Variants in LRRC63 observed in about 807,000 individuals in gnomAD.
LRRC63 encodes the protein leucine-rich repeat-containing protein 63.
LRRC63 carries 40 observed loss-of-function variants against 49.5 expected under a neutral mutation model. The observed-to-expected ratio is 0.81, with a 90% confidence interval of 0.63 to 1.05. The LOEUF (loss-of-function observed/expected upper bound fraction) is 1.05, where lower values mean the gene tolerates loss of function less well. LRRC63 is among the 50% of genes least tolerant of loss of function. LRRC63 has a pLI of 0.00. For synonymous variants in LRRC63, 191 were observed against 221.1 expected (o/e 0.86, Z 1.21); for missense variants, 636 against 663.1 (o/e 0.96, Z 0.45).
At chr13:46,273,519 T>C (rs893538316) in intron 9 of LRRC63, among the ~76,000 whole-genome samples, 3 of 151,128 alleles carry the variant, frequency 2.0e-5, no homozygotes, top group Admixed American at 6.6e-5. Context: ...GGAGAATCAC[T>C]TGAACCCAGG....
chr13:46,246,596 T>C, exon 6 of LRRC63: 1 of 1,466,468 alleles, frequency 6.8e-7, no homozygotes, highest in Admixed American at 2.8e-5. Context: ...TAATTTATCA[T>C]TTAATGATCT....
chr13:46,269,799 TTA>T lies in LRRC63; in HGVS notation c.1550+2838_1550+2839del, dbSNP rs933996335. The stretch of plus-strand genomic sequence containing the variant: ...AAAATAGTTGAATAATATATATATA[TTA>T]TATATATATAGTAGTCGCTATAGAT... On this transcript the variant is annotated intron_variant, in intron 9 of 9. Coordinates refer to ENST00000595396, the Ensembl canonical transcript of LRRC63. Among the ~76,000 whole-genome samples, 7 of 147,460 alleles carry T rather than the reference TTA, an allele frequency of 4.7e-5. 1 individual carries two copies. Among genetic ancestry groups the T allele is most frequent in the East Asian group, 3.9e-4 (2 of 5,110 alleles).
At chr13:46,228,180 T>G (rs2046634232) in exon 3 of LRRC63, 1 of 1,542,904 alleles carries the variant, frequency 6.5e-7, no homozygotes, top group Non-Finnish European at 8.8e-7. Context: ...TCACAGGCAG[T>G]CTGTGATAGG....
At chr13:46,249,987 C>G (rs1180959190) in intron 6 of LRRC63, 1 of 155,456 alleles carries the variant, frequency 6.4e-6, no homozygotes, top group Non-Finnish European at 1.4e-5. Flanking sequence ...CTTTTCTGAT[C>G]ACTAAGGTTA....
At chr13:46,273,467 T>G (rs1330954224) in intron 9 of LRRC63, among the ~76,000 whole-genome samples, 3 of 151,888 alleles carry the variant, frequency 2.0e-5, no homozygotes, top group Non-Finnish European at 4.4e-5. Context: ...CGGGGCGTGC[T>G]GGCGGGCACC....
intron 2 of LRRC63, among the ~76,000 whole-genome samples, chr13:46,224,650 G>A (rs1416157308): frequency 6.6e-6 from 1 of 152,132 alleles, no homozygotes; most frequent in African/African-American, 2.4e-5. Context: ...GATGTTTTCT[G>A]TGTCTTTATA....
Position 46,250,447 on chromosome 13 carries a change from A to C in LRRC63, c.1182A>C (p.Arg394Ser), listed in dbSNP as rs1161662246. 3.3e-6 allele frequency: 5 copies of C among 1,537,712 alleles called. No homozygotes were observed. In the Admixed American group the frequency reaches 9.9e-5, roughly 30 times the overall value. ...AAATTCAACAACTTGAGTTCCTTAG[A>C]ATTTTCACCATTGCTTTTAATTTAA... Residue 394 changes from arginine (R) to serine (S), a missense_variant, in exon 7 of 10, where the codon AGA becomes AGC. Transcript: ENST00000595396.
chr13:46,238,698 G>A (rs539916348), intron 5 of LRRC63, among the ~76,000 whole-genome samples: 39 of 152,138 alleles, frequency 2.6e-4, no homozygotes, highest in Non-Finnish European at 5.1e-4. Context: ...TCCCTCCCAC[G>A]ACACATGGGG....
intron 7 of LRRC63, among the ~76,000 whole-genome samples, chr13:46,255,645 A>AAAAAAAAAAAAATAT (rs1555328641): frequency 1.5e-5 from 2 of 129,468 alleles, no homozygotes; most frequent in African/African-American, 5.8e-5. Flanking sequence ...CCCTGCCTCA[A>AAAAAAAAAAAAATAT]ATATATATAT....
chr13:46,227,586 A>T (rs1477471545), exon 3 of LRRC63: 3 of 1,549,758 alleles, frequency 1.9e-6, no homozygotes, highest in Non-Finnish European at 2.6e-6. Context: ...AATGGATAGA[A>T]CTCGTTTTCC....
exon 10 of LRRC63, chr13:46,276,606 T>C (rs1594106570): frequency 1.6e-6 from 2 of 1,230,764 alleles, no homozygotes; most frequent in East Asian, 6.3e-5. Context: ...CAGGTGTGAA[T>C]GGTGTCATGG....
chr13:46,220,546 G>T (rs935322083), intron 2 of LRRC63, among the ~76,000 whole-genome samples: 12 of 152,218 alleles, frequency 7.9e-5, no homozygotes, highest in African/African-American at 2.9e-4. Context: ...GCTCCATGGG[G>T]GTGGGATCCA....
intron 9 of LRRC63, among the ~76,000 whole-genome samples, chr13:46,271,294 T>C (rs933104489): frequency 6.6e-6 from 1 of 152,196 alleles, no homozygotes; most frequent in Non-Finnish European, 1.5e-5. Flanking sequence ...ATTGTCCTAT[T>C]AGTTTGAAGT....
chr13:46,225,106 T>C (rs1292042489), intron 2 of LRRC63, among the ~76,000 whole-genome samples: 1 of 152,142 alleles, frequency 6.6e-6, no homozygotes, highest in Non-Finnish European at 1.5e-5. Flanking sequence ...GAAACAATTG[T>C]GCTATGGGTC....
intron 5 of LRRC63, among the ~76,000 whole-genome samples, chr13:46,239,601 A>C (rs2046997641): frequency 2.0e-5 from 3 of 152,196 alleles, no homozygotes; most frequent in East Asian, 3.9e-4. Context: ...TATTCCAAAA[A>C]AATTGAGGAG....
intron 9 of LRRC63, among the ~76,000 whole-genome samples, chr13:46,273,979 A>G (rs561560056): frequency 6.6e-6 from 1 of 151,776 alleles, no homozygotes; most frequent in South Asian, 2.1e-4. Flanking sequence ...CTAGTTGTCC[A>G]TTGGAGATCA....
intron 5 of LRRC63, among the ~76,000 whole-genome samples, chr13:46,245,565 G>T (rs2047190802): frequency 6.6e-6 from 1 of 152,018 alleles, no homozygotes. Flanking sequence ...CCAAATATTT[G>T]TGCTAAATAT....
intron 4 of LRRC63, among the ~76,000 whole-genome samples, 179 bp downstream of exon 4, chr13:46,228,912 T>A (rs2046659375): frequency 6.6e-6 from 1 of 152,174 alleles, no homozygotes; most frequent in South Asian, 2.1e-4. Context: ...ATATATTGAC[T>A]ATGAACCAAA....
intron 9 of LRRC63, 21 bp downstream of exon 9, chr13:46,266,993 T>C: frequency 1.3e-6 from 2 of 1,503,248 alleles, no homozygotes; most frequent in Non-Finnish European, 1.8e-6. Flanking sequence ...GCTGAAGCCC[T>C]TTTAACCAAA....
Sources: gnomAD v4.1 joint callset for allele counts (sites outside exome capture counted in the v4.1 genomes callset) on GRCh38, gnomAD v4.1.1 for gene constraint, MANE v1.5 for transcripts, NCBI Gene and HGNC (gene_info 2026-07-23, HGNC 2026-07-21) for gene names.